MALRD1: variants seen among roughly 807,000 people sequenced by gnomAD.
The protein encoded by MALRD1 is MAM and LDL receptor class A domain containing 1.
A neutral mutation model predicts 242.1 loss-of-function variants in MALRD1; 247 were observed. The ratio of observed to expected loss-of-function variants is 1.02; its 90% confidence interval spans 0.92 to 1.13. MALRD1 has a LOEUF of 1.13. Ranked by LOEUF, MALRD1 falls within the 50% of genes most tolerant of loss-of-function variation. The pLI is 0.00. For synonymous variants in MALRD1, 995 were observed against 866.6 expected (o/e 1.15, Z -2.60); for missense variants, 2,989 against 2,533.1 (o/e 1.18, Z -3.86).
intron 28 of MALRD1, among the ~76,000 whole-genome samples, chr10:19,420,273 G>A (rs143722060): frequency 1.7e-3 from 255 of 149,698 alleles, no homozygotes; most frequent in African/African-American, 5.3e-3. Flanking sequence ...GCAGGTAATC[G>A]GAATGAGTCA....
intron 17 of MALRD1, among the ~76,000 whole-genome samples, chr10:19,208,159 C>A (rs1564467772): frequency 6.6e-6 from 1 of 151,836 alleles, no homozygotes; most frequent in Non-Finnish European, 1.5e-5. Flanking sequence ...TAAGGCGAGA[C>A]TGCTGTAAGA....
At chr10:19,655,078 A>G (rs1454866911) in intron 36 of MALRD1, among the ~76,000 whole-genome samples, 1 of 152,214 alleles carries the variant, frequency 6.6e-6, no homozygotes, top group East Asian at 1.9e-4. Flanking sequence ...TGGAATAAGA[A>G]TCATGAAGAA....
At chr10:19,546,524 A>T (rs1835214293) in intron 32 of MALRD1, among the ~76,000 whole-genome samples, 1 of 152,210 alleles carries the variant, frequency 6.6e-6, no homozygotes, top group South Asian at 2.1e-4. Flanking sequence ...CCAAGGAATC[A>T]ACCTGGCTCT....
At chr10:19,068,264 G>A (rs537944719) in intron 2 of MALRD1, among the ~76,000 whole-genome samples, 2 of 151,974 alleles carry the variant, frequency 1.3e-5, no homozygotes, top group South Asian at 4.2e-4. Context: ...AAGACACTGT[G>A]CTTCCCAATT....
chr10:19,467,495 TTATCTCTTTAAATGCCTTGTTTCCAAA>T (rs2131123391), intron 29 of MALRD1, among the ~76,000 whole-genome samples: 1 of 151,632 alleles, frequency 6.6e-6, no homozygotes, highest in East Asian at 1.9e-4. Context: ...TTAACCTTAA[TTATCTCTTTAAATGCCTTGTTTCCAAA>T]TATGACTTCA....
intron 32 of MALRD1, among the ~76,000 whole-genome samples, chr10:19,558,169 A>G (rs986593089): frequency 3.3e-5 from 5 of 152,102 alleles, no homozygotes; most frequent in African/African-American, 9.7e-5. Context: ...TTGATTTTCT[A>G]CAGAGACAAT....
chr10:19,076,866 T>C (rs1835335591), intron 2 of MALRD1, among the ~76,000 whole-genome samples: 1 of 151,972 alleles, frequency 6.6e-6, no homozygotes, highest in Admixed American at 6.6e-5. Context: ...TGCATTGAAT[T>C]GGTAGATCAA....
chr10:19,325,277 C>T (rs9633637), intron 22 of MALRD1, among the ~76,000 whole-genome samples: 83,401 of 151,760 alleles, frequency 0.55, 23,111 homozygotes, highest in Middle Eastern at 0.59. Context: ...TCCCTCTTAA[C>T]GAACCTCCAT....
chr10:19,149,627 G>T (rs1833866728), intron 11 of MALRD1, among the ~76,000 whole-genome samples: 1 of 151,986 alleles, frequency 6.6e-6, no homozygotes, highest in Non-Finnish European at 1.5e-5. Context: ...TCTTACTAAA[G>T]ATAGCTTATG....
chr10:19,169,488 T>C (rs541774642), intron 13 of MALRD1, among the ~76,000 whole-genome samples: 1 of 152,304 alleles, frequency 6.6e-6, no homozygotes, highest in Non-Finnish European at 1.5e-5. Flanking sequence ...GATTAACTAA[T>C]GTTAACATTT....
intron 18 of MALRD1, among the ~76,000 whole-genome samples, chr10:19,243,824 T>G (rs771375230): frequency 7.2e-5 from 11 of 151,842 alleles, no homozygotes; most frequent in African/African-American, 1.2e-4. Flanking sequence ...GGAAGTGGAG[T>G]GATGGTTCTC....
intron 32 of MALRD1, among the ~76,000 whole-genome samples, chr10:19,533,533 A>G (rs1162286754): frequency 1.3e-5 from 2 of 152,202 alleles, no homozygotes; most frequent in Non-Finnish European, 2.9e-5. Context: ...TCATAGTTCT[A>G]CAGGCTGTAC....
intron 26 of MALRD1, among the ~76,000 whole-genome samples, chr10:19,384,653 T>C (rs1226046188): frequency 7.4e-6 from 1 of 134,330 alleles, no homozygotes; most frequent in Non-Finnish European, 1.5e-5. Flanking sequence ...GTATATATAA[T>C]ATAATATTTA....
chr10:19,308,067 C>A (rs189728803), intron 21 of MALRD1, among the ~76,000 whole-genome samples: 1 of 151,602 alleles, frequency 6.6e-6, no homozygotes, highest in Admixed American at 6.6e-5. Flanking sequence ...TTAAAATGTA[C>A]AATTAAGTTA....
At chr10:19,110,610 C>T (rs1280964846) in intron 5 of MALRD1, among the ~76,000 whole-genome samples, 2 of 152,128 alleles carry the variant, frequency 1.3e-5, no homozygotes, top group African/African-American at 2.4e-5. Flanking sequence ...TAACTGAAGG[C>T]AATGCAGCCT....
intron 18 of MALRD1, among the ~76,000 whole-genome samples, chr10:19,252,172 A>T (rs1314872933): frequency 6.6e-6 from 1 of 152,062 alleles, no homozygotes; most frequent in African/African-American, 2.4e-5. Context: ...GTGTGGGTGC[A>T]TAATAGGGAG....
chr10:19,252,195 C>T (rs138918687), intron 18 of MALRD1, among the ~76,000 whole-genome samples: 67 of 152,080 alleles, frequency 4.4e-4, no homozygotes, highest in African/African-American at 1.5e-3. Context: ...CTAGTGTCTG[C>T]GGCAGCTGAG....
At chr10:19,231,284 T>G (rs917524007) in intron 18 of MALRD1, among the ~76,000 whole-genome samples, 2 of 152,148 alleles carry the variant, frequency 1.3e-5, no homozygotes, top group Admixed American at 6.6e-5. Flanking sequence ...TCAACTCCCT[T>G]TATCCAATTC....
At chr10:19,408,092 C>T (rs1237811608) in intron 28 of MALRD1, among the ~76,000 whole-genome samples, 2 of 152,100 alleles carry the variant, frequency 1.3e-5, no homozygotes, top group Non-Finnish European at 2.9e-5. Flanking sequence ...ACCTCAGCTC[C>T]ATTCCTCCTC....
Sources: allele counts gnomAD v4.1 joint callset (sites outside exome capture counted in the v4.1 genomes callset), GRCh38; gene constraint gnomAD v4.1.1; transcripts MANE v1.5; gene names NCBI Gene and HGNC (gene_info 2026-07-23, HGNC 2026-07-21).